Variants in TSHZ1 observed in about 807,000 individuals in gnomAD.
TSHZ1 encodes the protein teashirt zinc finger homeobox 1, also known as teashirt homolog 1.
A neutral mutation model predicts 67.1 loss-of-function variants in TSHZ1; 12 were observed. That is an observed-to-expected ratio of 0.18 (90% CI 0.11 to 0.29). The LOEUF is 0.29. Ranked by LOEUF, TSHZ1 falls within the 10% of genes least tolerant of loss-of-function variation. The pLI is 1.00. For synonymous variants in TSHZ1, 632 were observed against 622.4 expected, an observed-to-expected ratio of 1.02 and a Z score of -0.23; for missense variants, 1,305 against 1,413.9, an observed-to-expected ratio of 0.92 and a Z score of 1.23.
At chr18:75,233,515 C>A (rs1221871795) in intron 1 of TSHZ1, among the ~76,000 whole-genome samples, 1 of 152,144 alleles carries the variant, frequency 6.6e-6, no homozygotes, top group Admixed American at 6.5e-5. Context: ...GGGTGTGGAT[C>A]ACCAGTTGTT....
At chr18:75,230,480 A>G (rs1400961006) in intron 1 of TSHZ1, among the ~76,000 whole-genome samples, 4 of 152,212 alleles carry the variant, frequency 2.6e-5, no homozygotes, top group Non-Finnish European at 5.9e-5. Flanking sequence ...ACGGCACATT[A>G]TGGAGCTCAG....
At chr18:75,249,872 G>C (rs933665540) in intron 1 of TSHZ1, among the ~76,000 whole-genome samples, 1 of 144,928 alleles carries the variant, frequency 6.9e-6, no homozygotes, top group Non-Finnish European at 1.5e-5. Context: ...CCTCCTCCCT[G>C]CCTCACCCCT....
chr18:75,228,245 C>T (rs1240110954), intron 1 of TSHZ1, among the ~76,000 whole-genome samples: 1 of 152,236 alleles, frequency 6.6e-6, no homozygotes, highest in Non-Finnish European at 1.5e-5. Flanking sequence ...CTGTGGGTTC[C>T]ACCCGGGAAG....
chr18:75,287,437 A>G lies in TSHZ1; in HGVS notation c.2030A>G (p.Asn677Ser), dbSNP rs925147059. The change falls in exon 2 of 2, where the codon AAT becomes AGT. Residue 677 changes from asparagine to serine, a missense_variant. By Grantham distance (46) the Asn-to-Ser change is conservative (BLOSUM62 1). Around this residue, in one of 3 missense-constraint regions of TSHZ1, gnomAD observed 909 missense variants for 961.8 expected, o/e 0.95. Coordinates refer to ENST00000580243, the MANE Select transcript of TSHZ1 (RefSeq NM_001308210.2). This position sits in a 1 kb window ranked among gnomAD's most constrained non-coding sequence, Gnocchi z 5.0. ...GCTGCGTCCCCCATAGCAAAAGAGA[A>G]TAAAGATTTCCCGAAAACGGAGGAA... ...AKAASPIAKENKDFPKTEEVS... is the reference protein window; with the variant it reads ...AKAASPIAKESKDFPKTEEVS... 6.2e-7 allele frequency: 1 copy of G among 1,614,082 alleles called. No individual in the cohort carries two copies. Among genetic ancestry groups the G allele is most frequent in the Non-Finnish European group, 8.5e-7 (1 of 1,180,048 alleles).
chr18:75,280,945 C>T lies in TSHZ1; in HGVS notation c.41-4503C>T, dbSNP rs981354091. The T allele has an allele frequency of 3.0e-5, 14 of 473,418 alleles. 1 individual carries two copies. Among genetic ancestry groups the T allele is most frequent in the East Asian group, 1.5e-4 (1 of 6,484 alleles). 29.3% of individuals were successfully genotyped at this position (473,418 alleles called of 1,614,324 possible). On this transcript the variant is annotated intron_variant, in intron 1 of 1. Coordinates refer to ENST00000580243, the MANE Select transcript of TSHZ1 (RefSeq NM_001308210.2). Reference sequence around the variant, plus strand: ...CAGTAGCTCACACCAGGCAGAGAGTCGGGGAGGGCTGGCATCCAGACTGGG... The same window carrying T: ...CAGTAGCTCACACCAGGCAGAGAGTTGGGGAGGGCTGGCATCCAGACTGGG...
intron 1 of TSHZ1, among the ~76,000 whole-genome samples, chr18:75,277,934 T>C (rs74874340): frequency 6.6e-6 from 1 of 151,798 alleles, no homozygotes; most frequent in Non-Finnish European, 1.5e-5. Flanking sequence ...AAGGAGCGAG[T>C]GAGTGTATCG....
chr18:75,283,330 C>T (rs1185798706), intron 1 of TSHZ1: 1 of 152,290 alleles, frequency 6.6e-6, no homozygotes, highest in African/African-American at 2.4e-5. Context: ...TGGGTCCTAG[C>T]AGTGAACCCT....
intron 1 of TSHZ1, among the ~76,000 whole-genome samples, chr18:75,243,243 G>C (rs904327834): frequency 1.3e-5 from 2 of 152,198 alleles, no homozygotes; most frequent in South Asian, 4.1e-4. Flanking sequence ...CATTCACACC[G>C]TAAAGTGGTG....
At chr18:75,233,188 A>G (rs932031189) in intron 1 of TSHZ1, among the ~76,000 whole-genome samples, 2 of 152,202 alleles carry the variant, frequency 1.3e-5, no homozygotes, top group Non-Finnish European at 2.9e-5. Context: ...TATAAAAGTG[A>G]TATCAGTTAT....
chr18:75,276,135 C>A (rs1599053871), intron 1 of TSHZ1, among the ~76,000 whole-genome samples: 1 of 152,174 alleles, frequency 6.6e-6, no homozygotes, highest in Non-Finnish European at 1.5e-5. Flanking sequence ...TTATTCCCCA[C>A]TTAACTTGAA....
rs891062888 is a variant in TSHZ1 at position 75,281,593 on chromosome 18, C to G, written c.41-3855C>G. On this transcript the variant is annotated intron_variant, in intron 1 of 1. Coordinates refer to ENST00000580243, the MANE Select transcript of TSHZ1 (RefSeq NM_001308210.2). The surrounding 1 kb of genome is among the most constrained non-coding windows in gnomAD (Gnocchi z 5.3). The stretch of plus-strand genomic sequence containing the variant: ...GTGCAGGGGTGCTCATGGCTGTGGT[C>G]GGCACAGGCCCTGGGGTTGTGGAGA... Among the ~76,000 whole-genome samples, 1 of 151,994 alleles carries G rather than the reference C, an allele frequency of 6.6e-6. No homozygotes were observed. Among genetic ancestry groups the G allele is most frequent in the African/African-American group, 2.4e-5 (1 of 41,348 alleles).
rs1266426867 is a variant in TSHZ1 at position 75,287,024 on chromosome 18, G to A, written c.1617G>A (p.Glu539=). 2 of 1,613,988 alleles carry A rather than the reference G, an allele frequency of 1.2e-6. No individual in the cohort carries two copies. Among genetic ancestry groups the A allele is most frequent in the South Asian group, 1.1e-5 (1 of 91,088 alleles). ...PSTLYPYLRE[E]DLDDSPKGGL... is the part of the protein sequence containing the mutation. ...CCCTGTACCCGTACCTGCGTGAGGAGGACCTGGACGACAGCCCCAAGGGAG... is the reference window on the plus strand; with the variant it reads ...CCCTGTACCCGTACCTGCGTGAGGAAGACCTGGACGACAGCCCCAAGGGAG... The change falls in exon 2 of 2, where the codon GAG becomes GAA. Residue 539 remains glutamate, a synonymous_variant. Transcript: ENST00000580243. The surrounding 1 kb of genome is among the most constrained non-coding windows in gnomAD (Gnocchi z 5.0).
intron 1 of TSHZ1, among the ~76,000 whole-genome samples, chr18:75,213,254 TGAA>T (rs2022722733): frequency 6.6e-6 from 1 of 152,194 alleles, no homozygotes; most frequent in Admixed American, 6.5e-5. Context: ...CTCAAAGAGT[TGAA>T]GGAGATTACC....
At chr18:75,248,784 G>A (rs929959519) in intron 1 of TSHZ1, among the ~76,000 whole-genome samples, 21 of 152,188 alleles carry the variant, frequency 1.4e-4, no homozygotes, top group African/African-American at 3.4e-4. Flanking sequence ...TTGCCTGTGC[G>A]TCCAGCTTTG....
At chr18:75,285,254 A>G in intron 1 of TSHZ1, 194 bp from the exon 2 acceptor site, 1 of 509,754 alleles carries the variant, frequency 2.0e-6, no homozygotes, top group Non-Finnish European at 3.2e-6. Flanking sequence ...CCTTTGCTAA[A>G]GACACACTCA....
At chr18:75,276,826 A>G (rs2023618459) in intron 1 of TSHZ1, among the ~76,000 whole-genome samples, 1 of 152,262 alleles carries the variant, frequency 6.6e-6, no homozygotes, top group Non-Finnish European at 1.5e-5. Context: ...GTCACCAAGC[A>G]GGGACTGAAG....
chr18:75,271,694 C>T (rs903762868), intron 1 of TSHZ1, among the ~76,000 whole-genome samples: 15 of 152,064 alleles, frequency 9.9e-5, no homozygotes, highest in African/African-American at 3.4e-4. Context: ...AGGTTGTTTC[C>T]TCTTCCCCCT....
chr18:75,232,391 A>G (rs2023011676), intron 1 of TSHZ1, among the ~76,000 whole-genome samples: 1 of 152,190 alleles, frequency 6.6e-6, no homozygotes, highest in South Asian at 2.1e-4. Context: ...GTTTCAATGG[A>G]CTTGATTTTG....
intron 1 of TSHZ1, among the ~76,000 whole-genome samples, chr18:75,249,095 G>T (rs566889572): frequency 1.6e-3 from 245 of 152,238 alleles, no homozygotes; most frequent in Non-Finnish European, 2.8e-3. Context: ...GTCCTTCACC[G>T]CCCTCCTGCC....
Sources: allele counts gnomAD v4.1 joint callset (sites outside exome capture counted in the v4.1 genomes callset), GRCh38; gene constraint gnomAD v4.1.1; regional missense constraint gnomAD v4.1.1; non-coding constraint Gnocchi (gnomAD v3.1); transcripts MANE v1.5; gene names NCBI Gene and HGNC (gene_info 2026-07-23, HGNC 2026-07-21).